Variants in ZBTB20 observed in about 807,000 individuals in gnomAD.
ZBTB20 encodes zinc finger and BTB domain-containing protein 20.
Under a neutral mutation model 56.9 loss-of-function variants are expected in ZBTB20, and 9 were observed. The ratio of observed to expected loss-of-function variants is 0.16; its 90% CI spans 0.10 to 0.28. The LOEUF (loss-of-function observed/expected upper bound fraction) is 0.28. ZBTB20 is among the 10% of genes least tolerant of loss of function. The pLI, the probability that ZBTB20 is intolerant of heterozygous loss-of-function variation, is 1.00. For missense variants in ZBTB20, 655 were observed against 1,003.0 expected (o/e 0.65, Z 4.69); for synonymous variants, 417 against 420.7 (o/e 0.99, Z 0.11).
intron 5 of ZBTB20, among the ~76,000 whole-genome samples, chr3:114,787,331 TTATATA>T (rs138181405): frequency 0.26 from 25,850 of 100,312 alleles, 4,186 homozygotes; most frequent in East Asian, 0.46. Flanking sequence ...TCTTAAAAGG[TTATATA>T]TATATATATA....
At chr3:114,738,796 G>A (rs2066369297) in intron 5 of ZBTB20, among the ~76,000 whole-genome samples, 1 of 152,108 alleles carries the variant, frequency 6.6e-6, no homozygotes, top group Non-Finnish European at 1.5e-5. Flanking sequence ...ACAGGCAAAC[G>A]TAATAGGAAT....
chr3:115,111,225 G>A (rs534379696), intron 1 of ZBTB20, among the ~76,000 whole-genome samples: 2 of 151,996 alleles, frequency 1.3e-5, no homozygotes, highest in Admixed American at 1.3e-4. Context: ...AAACCTATGT[G>A]AAATTTGAAT....
chr3:114,376,963 C>A (rs1005705367), intron 10 of ZBTB20, among the ~76,000 whole-genome samples: 1 of 152,164 alleles, frequency 6.6e-6, no homozygotes, highest in Non-Finnish European at 1.5e-5. Context: ...AAGTTCTGGT[C>A]GCGTCTATCA....
At chr3:114,974,640 T>C (rs945848048) in intron 2 of ZBTB20, among the ~76,000 whole-genome samples, 1 of 152,186 alleles carries the variant, frequency 6.6e-6, no homozygotes, top group Non-Finnish European at 1.5e-5. Flanking sequence ...TGAGGAGGCA[T>C]AGCACGGTGT....
intron 6 of ZBTB20, among the ~76,000 whole-genome samples, chr3:114,672,586 T>C (rs2061412597): frequency 6.6e-6 from 1 of 152,180 alleles, no homozygotes; most frequent in Non-Finnish European, 1.5e-5. Flanking sequence ...AGAGGGCCAG[T>C]AGACGCCAGC....
At chr3:114,418,585 TA>T (rs11393775) in intron 7 of ZBTB20, among the ~76,000 whole-genome samples, 1,794 of 147,236 alleles carry the variant, frequency 0.012, 28 homozygotes, top group African/African-American at 0.04. Context: ...TTGAGTATAT[TA>T]AAAAAAAAAA....
chr3:114,983,630 G>T (rs775111834), intron 2 of ZBTB20, among the ~76,000 whole-genome samples: 25 of 151,954 alleles, frequency 1.6e-4, no homozygotes, highest in Non-Finnish European at 3.4e-4. Flanking sequence ...AGACTGATAT[G>T]AAAGGCTTCA....
intron 1 of ZBTB20, among the ~76,000 whole-genome samples, chr3:115,121,242 C>A (rs949737706): frequency 1.1e-4 from 17 of 152,050 alleles, no homozygotes; most frequent in Non-Finnish European, 1.3e-4. Flanking sequence ...CATTTAAAAT[C>A]TTTTTTATTG....
intron 5 of ZBTB20, among the ~76,000 whole-genome samples, chr3:114,767,747 A>G (rs1214361135): frequency 6.6e-6 from 1 of 152,098 alleles, no homozygotes; most frequent in African/African-American, 2.4e-5. Flanking sequence ...ACCCCAATCC[A>G]AATGTCTGGG....
chr3:115,043,272 T>C (rs949417487), intron 2 of ZBTB20, among the ~76,000 whole-genome samples: 4 of 151,972 alleles, frequency 2.6e-5, no homozygotes, highest in African/African-American at 4.8e-5. Context: ...TAAAAAGTAG[T>C]TGAAGGCCAG....
At chr3:114,844,532 A>C (rs1374279837) in intron 4 of ZBTB20, among the ~76,000 whole-genome samples, 44 of 138,916 alleles carry the variant, frequency 3.2e-4, no homozygotes, top group African/African-American at 1.2e-3. Context: ...AAAAAAAAAA[A>C]AAAAAAAAAA....
At chr3:115,129,992 A>AT (rs60294417) in intron 1 of ZBTB20, among the ~76,000 whole-genome samples, 7 of 152,264 alleles carry the variant, frequency 4.6e-5, no homozygotes, top group African/African-American at 1.7e-4. Flanking sequence ...ATATATATAT[A>AT]AATGTCCATT....
chr3:115,014,498 T>A (rs1576566912), intron 2 of ZBTB20, among the ~76,000 whole-genome samples: 1 of 151,742 alleles, frequency 6.6e-6, no homozygotes, highest in Non-Finnish European at 1.5e-5. Flanking sequence ...TGATTATTAC[T>A]CATTGCATGC....
intron 4 of ZBTB20, among the ~76,000 whole-genome samples, chr3:114,827,378 G>A (rs1326158500): frequency 1.3e-5 from 2 of 151,386 alleles, no homozygotes; most frequent in South Asian, 2.1e-4. Flanking sequence ...GGTAAAGGCC[G>A]GGACAAAGGT....
At chr3:114,524,937 C>T (rs1363584800) in intron 6 of ZBTB20, among the ~76,000 whole-genome samples, 4 of 152,180 alleles carry the variant, frequency 2.6e-5, no homozygotes, top group Admixed American at 2.6e-4. Flanking sequence ...TGGTCTCGAA[C>T]TCCTGACCTC....
intron 7 of ZBTB20, among the ~76,000 whole-genome samples, chr3:114,463,579 A>T (rs902469546): frequency 6.6e-6 from 1 of 152,222 alleles, no homozygotes; most frequent in East Asian, 1.9e-4. Flanking sequence ...AAGAAAACAT[A>T]GCATCCGAAG....
At chr3:114,485,583 G>T (rs1217436561) in intron 7 of ZBTB20, among the ~76,000 whole-genome samples, 1 of 152,114 alleles carries the variant, frequency 6.6e-6, no homozygotes, top group African/African-American at 2.4e-5. Flanking sequence ...TAGATTATAT[G>T]CTCTGAATGT....
chr3:114,687,609 T>TAAAAAAAAAAAAA (rs201910158), intron 6 of ZBTB20: 2 of 105,440 alleles, frequency 1.9e-5, no homozygotes, highest in Non-Finnish European at 4.1e-5. Context: ...AGTTGAAAGG[T>TAAAAAAAAAAAAA]AAAAAAAAAA....
At chr3:115,052,557 G>T (rs1025983200) in intron 2 of ZBTB20, among the ~76,000 whole-genome samples, 2 of 152,056 alleles carry the variant, frequency 1.3e-5, no homozygotes, top group African/African-American at 4.8e-5. Context: ...CTAATAAATG[G>T]AAATTCGTCA....
Sources: gnomAD v4.1 joint callset for allele counts (sites outside exome capture counted in the v4.1 genomes callset) on GRCh38, gnomAD v4.1.1 for gene constraint, MANE v1.5 for transcripts, NCBI Gene and HGNC (gene_info 2026-07-23, HGNC 2026-07-21) for gene names.